Variants in GRIA4 observed in about 807,000 individuals in gnomAD.
GRIA4 encodes the protein glutamate receptor 4.
A neutral mutation model predicts 104.0 loss-of-function variants in GRIA4; 34 were observed. That is an observed-to-expected ratio of 0.33 (90% CI 0.25 to 0.44). The LOEUF is 0.44. Among genes scored for constraint, GRIA4 ranks in the 20% least tolerant of loss-of-function variants. The pLI, the probability that GRIA4 is intolerant of heterozygous loss-of-function variation, is 1.00. For synonymous variants in GRIA4, 386 were observed against 381.9 expected, an observed-to-expected ratio of 1.01 and a Z score of -0.13; for missense variants, 750 against 1,096.5, an observed-to-expected ratio of 0.68 and a Z score of 4.46.
intron 3 of GRIA4, among the ~76,000 whole-genome samples, chr11:105,698,163 C>G (rs755250322): frequency 3.3e-5 from 5 of 152,088 alleles, no homozygotes; most frequent in Admixed American, 1.3e-4. Context: ...GTTATTGATA[C>G]TACGTGCAAA....
At position 105,971,951 on chromosome 11, in the gene GRIA4, G is replaced by T; in HGVS notation, c.2332G>T (p.Ala778Ser). 6.2e-7 allele frequency: 1 copy of T among 1,612,568 alleles called. No homozygotes were observed. The highest frequency in any genetic ancestry group is 8.5e-7 in the Non-Finnish European group (1 of 1,178,912). The change falls in exon 15 of 17, where the codon GCA becomes TCA. Residue 778 changes from alanine (A) to serine (S), a missense_variant. By Grantham distance (99) the Ala-to-Ser change is moderately conservative. Around this residue, in one of 3 missense-constraint regions of GRIA4, gnomAD observed 272 missense variants for 524.5 expected, o/e 0.52. Coordinates refer to ENST00000282499, the MANE Select transcript of GRIA4 (RefSeq NM_000829.4). ...CCTTGCCGTTTTGAAACTCAGTGAG[G>T]CAGGCGTCTTAGACAAGCTGAAAAA... ...VNLAVLKLSE[A>S]GVLDKLKNKW...
intron 13 of GRIA4, 113 bp downstream of exon 13, chr11:105,927,052 T>A: frequency 1.5e-6 from 1 of 677,126 alleles, no homozygotes; most frequent in East Asian, 2.7e-5. Flanking sequence ...AACACAATAG[T>A]AATAGCTATG....
intron 14 of GRIA4, among the ~76,000 whole-genome samples, chr11:105,970,956 T>C (rs143902037): frequency 2.6e-4 from 40 of 152,226 alleles, no homozygotes; most frequent in African/African-American, 8.7e-4. Flanking sequence ...TCCCTGAAAC[T>C]CCTAATATAA....
At chr11:105,940,312 A>G (rs1473671954) in intron 14 of GRIA4, among the ~76,000 whole-genome samples, 2 of 152,136 alleles carry the variant, frequency 1.3e-5, no homozygotes, top group Non-Finnish European at 2.9e-5. Context: ...CAGTGAGCCA[A>G]GATTGCACCA....
intron 3 of GRIA4, among the ~76,000 whole-genome samples, chr11:105,705,510 C>T (rs577917991): frequency 6.6e-6 from 1 of 152,100 alleles, no homozygotes; most frequent in East Asian, 1.9e-4. Flanking sequence ...CAATGTGTAA[C>T]ACAAAGGAGT....
chr11:105,662,628 T>G (rs1279980562), intron 3 of GRIA4, among the ~76,000 whole-genome samples: 1 of 151,976 alleles, frequency 6.6e-6, no homozygotes, highest in Non-Finnish European at 1.5e-5. Flanking sequence ...TGGTTTTACT[T>G]CTTTACTCAT....
chr11:105,938,758 G>C (rs1948114213), intron 14 of GRIA4, among the ~76,000 whole-genome samples: 1 of 152,080 alleles, frequency 6.6e-6, no homozygotes, highest in Non-Finnish European at 1.5e-5. Flanking sequence ...TACCTAGTTT[G>C]CTATTAAGTA....
chr11:105,635,279 C>T (rs1951174634), intron 3 of GRIA4, among the ~76,000 whole-genome samples: 1 of 151,948 alleles, frequency 6.6e-6, no homozygotes, highest in African/African-American at 2.4e-5. Context: ...AATAAAATGT[C>T]AGTATTTGAA....
chr11:105,903,523 T>A (rs1023955973), intron 7 of GRIA4, among the ~76,000 whole-genome samples: 1 of 152,206 alleles, frequency 6.6e-6, no homozygotes, highest in Non-Finnish European at 1.5e-5. Context: ...CAGAAAGGCC[T>A]TGCCTAGGGG....
At chr11:105,695,513 T>C (rs1407681356) in intron 3 of GRIA4, among the ~76,000 whole-genome samples, 3 of 151,254 alleles carry the variant, frequency 2.0e-5, no homozygotes, top group African/African-American at 7.3e-5. Context: ...TGTGTGTGTG[T>C]GCGTGCGCGT....
chr11:105,622,054 A>C (rs181790915), intron 3 of GRIA4, among the ~76,000 whole-genome samples: 24 of 151,756 alleles, frequency 1.6e-4, no homozygotes, highest in Admixed American at 3.9e-4. Context: ...CATACTATAG[A>C]AATTAACCCT....
intron 3 of GRIA4, among the ~76,000 whole-genome samples, chr11:105,685,479 A>C (rs1252903250): frequency 6.6e-6 from 1 of 152,252 alleles, no homozygotes; most frequent in Non-Finnish European, 1.5e-5. Context: ...TTTAAGGGTC[A>C]GAACTGTCAA....
At chr11:105,634,152 G>A (rs1259811151) in intron 3 of GRIA4, among the ~76,000 whole-genome samples, 3 of 151,972 alleles carry the variant, frequency 2.0e-5, no homozygotes, top group African/African-American at 7.3e-5. Context: ...TTCAGGACAA[G>A]CCTGGGCAAC....
chr11:105,687,847 G>T (rs1016192455), intron 3 of GRIA4, among the ~76,000 whole-genome samples: 2 of 151,994 alleles, frequency 1.3e-5, no homozygotes, highest in Non-Finnish European at 2.9e-5. Flanking sequence ...AAAATGCATT[G>T]GAATATAACT....
chr11:105,628,120 G>T (rs1233202402), intron 3 of GRIA4, among the ~76,000 whole-genome samples: 1 of 151,938 alleles, frequency 6.6e-6, no homozygotes, highest in Non-Finnish European at 1.5e-5. Flanking sequence ...CACACACAGA[G>T]CCTGCCAAAG....
At chr11:105,816,604 C>A (rs1173013667) in intron 4 of GRIA4, among the ~76,000 whole-genome samples, 8 of 152,114 alleles carry the variant, frequency 5.3e-5, no homozygotes, top group Non-Finnish European at 1.2e-4. Context: ...TATAAATTAC[C>A]CAGTCTCAGA....
intron 9 of GRIA4, among the ~76,000 whole-genome samples, chr11:105,908,573 CTTT>C (rs5794434): frequency 3.7e-5 from 5 of 135,896 alleles, no homozygotes; most frequent in South Asian, 2.3e-4. Context: ...ATGACTTTCT[CTTT>C]TTTTTTTTTT....
chr11:105,775,424 AT>A (rs1408949128), intron 4 of GRIA4, among the ~76,000 whole-genome samples: 1 of 152,170 alleles, frequency 6.6e-6, no homozygotes, highest in Non-Finnish European at 1.5e-5. Flanking sequence ...ATGCTTATTT[AT>A]TTATGTAATG....
At chr11:105,853,805 A>C (rs764868641) in intron 4 of GRIA4, among the ~76,000 whole-genome samples, 29 of 152,142 alleles carry the variant, frequency 1.9e-4, no homozygotes, top group Non-Finnish European at 4.0e-4. Flanking sequence ...AGTTGGTCTA[A>C]GTGACAGGAG....
Sources: gnomAD v4.1 joint callset for allele counts (sites outside exome capture counted in the v4.1 genomes callset) on GRCh38, gnomAD v4.1.1 for gene constraint, gnomAD v4.1.1 regional missense constraint, MANE v1.5 for transcripts, NCBI Gene and HGNC (gene_info 2026-07-23, HGNC 2026-07-21) for gene names.